IFT74: variants seen among roughly 807,000 people sequenced by gnomAD.
IFT74 encodes the protein intraflagellar transport protein 74 homolog.
In IFT74, 92 loss-of-function variants were observed where a neutral mutation model predicts 96.7. The ratio of observed to expected loss-of-function variants is 0.95; its 90% confidence interval spans 0.80 to 1.13. The LOEUF (loss-of-function observed/expected upper bound fraction) is 1.13. Among genes scored for constraint, IFT74 ranks in the 50% most tolerant of loss-of-function variants. IFT74 has a pLI of 0.00. For synonymous variants in IFT74, 223 were observed against 213.2 expected (o/e 1.05, Z -0.40); for missense variants, 811 against 698.2 (o/e 1.16, Z -1.82).
chr9:27,011,961 T>A lies in IFT74; in HGVS notation c.782T>A (p.Leu261Gln), dbSNP rs779157498. ...TCACAGAACATGAAAAAAGAGAGCC[T>A]GGAAGCAGTAAGTATAAAATCAAAT... ...LDSQNMKKES[L>Q]EAEIAHSQVK... The change falls in exon 10 of 20, where the codon CTG becomes CAG. Residue 261 changes from leucine to glutamine, a missense_variant. By Grantham distance (113) the Leu-to-Gln change is moderately radical. Transcript: ENST00000380062. 6.3e-7 allele frequency: 1 copy of A among 1,583,182 alleles called. No individual in the cohort carries two copies. Among genetic ancestry groups the A allele is most frequent in the Non-Finnish European group, 8.6e-7 (1 of 1,164,968 alleles).
chr9:26,998,094 C>T (rs747916710), intron 8 of IFT74: 19 of 1,613,310 alleles, frequency 1.2e-5, no homozygotes, highest in Non-Finnish European at 6.8e-6. Context: ...AAATAGAGCT[C>T]TGTGAGTAAA....
At chr9:27,008,172 T>G (rs1331301293) in intron 8 of IFT74, among the ~76,000 whole-genome samples, 1 of 152,204 alleles carries the variant, frequency 6.6e-6, no homozygotes, top group East Asian at 1.9e-4. Context: ...AAAGAGAACT[T>G]AAGCAAAGCA....
chr9:27,007,513 G>A (rs187794872), intron 8 of IFT74, among the ~76,000 whole-genome samples: 111 of 152,270 alleles, frequency 7.3e-4, no homozygotes, highest in African/African-American at 2.6e-3. Flanking sequence ...TTTTACTGTT[G>A]TAATTGAAGC....
chr9:27,022,427 T>C (rs1829653903), intron 12 of IFT74, among the ~76,000 whole-genome samples: 1 of 152,084 alleles, frequency 6.6e-6, no homozygotes, highest in African/African-American at 2.4e-5. Context: ...GGCAGTATGG[T>C]CATTTTCACA....
intron 2 of IFT74, among the ~76,000 whole-genome samples, chr9:26,965,950 A>G (rs1444435516): frequency 6.6e-6 from 1 of 152,112 alleles, no homozygotes; most frequent in African/African-American, 2.4e-5. Flanking sequence ...ATATTGCTGC[A>G]AAAGACATGA....
rs1284257974 is a variant in IFT74 at position 27,056,335 on chromosome 9, A to C, written c.1499A>C (p.Lys500Thr). Residue 500 changes from lysine to threonine, a missense_variant and splice_region_variant, in exon 18 of 20, where the codon AAA becomes ACA. Coordinates refer to ENST00000380062, the MANE Select transcript of IFT74 (RefSeq NM_025103.4). ...TCACTTCTATTTGGATCTTTCTAGA[A>C]ATTACATCAGGAGAGAATGATATTA... ...LKSSGEEKIK[K>T]LHQERMILST... 6.4e-7 allele frequency: 1 copy of C among 1,559,830 alleles called. No individual in the cohort carries two copies.
intron 13 of IFT74, among the ~76,000 whole-genome samples, chr9:27,029,847 A>G (rs1034288749): frequency 2.0e-5 from 3 of 152,220 alleles, no homozygotes; most frequent in Non-Finnish European, 4.4e-5. Flanking sequence ...CACAAATACC[A>G]CACAAATAAT....
At chr9:26,967,943 A>G (rs1397485012) in intron 2 of IFT74, among the ~76,000 whole-genome samples, 1 of 152,154 alleles carries the variant, frequency 6.6e-6, no homozygotes, top group Non-Finnish European at 1.5e-5. Context: ...CCAGTGAGTC[A>G]TGACAAATGA....
At chr9:26,996,561 A>T (rs1828171396) in intron 8 of IFT74, 1 of 1,148,118 alleles carries the variant, frequency 8.7e-7, no homozygotes, top group African/African-American at 1.6e-5. Flanking sequence ...AACATTTTAT[A>T]ATTGTTTTAT....
chr9:26,955,460 A>T (rs1187693443), upstream of IFT74, among the ~76,000 whole-genome samples: 3 of 152,202 alleles, frequency 2.0e-5, no homozygotes, highest in African/African-American at 7.2e-5. Context: ...ATGTCCCAGT[A>T]ATAAGGAAGA....
chr9:27,028,581 C>A (rs1484573651), intron 12 of IFT74, among the ~76,000 whole-genome samples: 2 of 152,056 alleles, frequency 1.3e-5, no homozygotes, highest in African/African-American at 4.8e-5. Context: ...CATGGTGAAA[C>A]CCCGTCTCTA....
Position 27,063,332 on chromosome 9 carries a change from A to G in IFT74, c.*596A>G, listed in dbSNP as rs1477256339. On this transcript the variant is annotated 3_prime_UTR_variant, in exon 20 of 20. Coordinates refer to ENST00000380062, the MANE Select transcript of IFT74 (RefSeq NM_025103.4). The stretch of plus-strand genomic sequence containing the variant: ...ATTCTTAAAATATTTTTTCACATAT[A>G]TATACCTGGAAGAACATTAGGTAAA... 6.6e-6 allele frequency among the ~76,000 whole-genome samples: 1 copy of G among 152,138 alleles called. No homozygotes were observed. Among genetic ancestry groups the G allele is most frequent in the Non-Finnish European group, 1.5e-5 (1 of 67,984 alleles).
rs936551605 is a variant in IFT74 at position 27,063,965 on chromosome 9, C to T, written c.*1229C>T. Among the ~76,000 whole-genome samples, 2 of 152,000 alleles carry T rather than the reference C, an allele frequency of 1.3e-5. No homozygotes were observed. The highest frequency in any genetic ancestry group is 4.8e-5 in the African/African-American group (2 of 41,420). The stretch of plus-strand genomic sequence containing the variant: ...TTGAGTTATTAATAGTGTTATGCCT[C>T]CAAAGGATTCATGGTCAAAGAAGTT... On this transcript the variant is annotated 3_prime_UTR_variant, in exon 20 of 20. Transcript: ENST00000380062.
At chr9:26,950,061 C>T (rs757043050) in intron 1 of IFT74, among the ~76,000 whole-genome samples, 2 of 152,080 alleles carry the variant, frequency 1.3e-5, no homozygotes, top group South Asian at 4.1e-4. Flanking sequence ...GCCTGTAATC[C>T]CAGCACTTTG....
At chr9:26,947,131 G>A in exon 1 of IFT74, 2 of 1,384,700 alleles carry the variant, frequency 1.4e-6, no homozygotes, top group Non-Finnish European at 1.9e-6. Context: ...GGCCGCGGCG[G>A]GAGAAGAGCC....
intron 19 of IFT74, chr9:27,060,863 G>A (rs1587434085): frequency 3.6e-6 from 1 of 275,612 alleles, no homozygotes; most frequent in East Asian, 6.9e-5. Context: ...TTGGGAGGCT[G>A]AGGCAGGAGA....
chr9:27,032,106 C>A (rs899689098), intron 13 of IFT74, among the ~76,000 whole-genome samples: 2 of 152,026 alleles, frequency 1.3e-5, no homozygotes, highest in African/African-American at 4.8e-5. Context: ...ACACAAATCA[C>A]AAAAAAAGTG....
At chr9:26,968,619 A>C (rs1256969730) in intron 2 of IFT74, among the ~76,000 whole-genome samples, 1 of 151,724 alleles carries the variant, frequency 6.6e-6, no homozygotes, top group East Asian at 1.9e-4. Flanking sequence ...CAGGTTTTGG[A>C]TTTCTTTATG....
intron 6 of IFT74, among the ~76,000 whole-genome samples, chr9:26,987,975 G>A (rs979341434): frequency 5.9e-5 from 9 of 151,592 alleles, no homozygotes; most frequent in African/African-American, 1.9e-4. Flanking sequence ...TTTTTGAGAC[G>A]GAATTTCACT....
Sources: allele counts gnomAD v4.1 joint callset (sites outside exome capture counted in the v4.1 genomes callset), GRCh38; gene constraint gnomAD v4.1.1; transcripts MANE v1.5; gene names NCBI Gene and HGNC (gene_info 2026-07-23, HGNC 2026-07-21).